VTI1A: variants seen among roughly 807,000 people sequenced by gnomAD.
VTI1A encodes vesicle transport through interaction with t-SNAREs 1A, also known as vesicle transport through interaction with t-SNAREs homolog 1A.
VTI1A carries 22 observed loss-of-function variants against 34.9 expected under a neutral mutation model. The ratio of observed to expected loss-of-function variants is 0.63; its 90% confidence interval spans 0.45 to 0.90. The LOEUF (loss-of-function observed/expected upper bound fraction) is 0.90, where lower values mean the gene tolerates loss of function less well. Ranked by LOEUF, VTI1A falls within the 40% of genes least tolerant of loss-of-function variation. The probability of loss-of-function intolerance (pLI) is 0.00; values close to 1 mark genes in which losing one functional copy is unlikely to be tolerated. For missense variants in VTI1A, 268 were observed against 275.6 expected (o/e 0.97, Z 0.20); for synonymous variants, 87 against 97.3 (o/e 0.89, Z 0.62).
At chr10:112,525,607 C>G (rs1347978529) in intron 3 of VTI1A, among the ~76,000 whole-genome samples, 7 of 152,122 alleles carry the variant, frequency 4.6e-5, no homozygotes, top group Admixed American at 4.6e-4. Flanking sequence ...GCCTTTTCAA[C>G]TGGGTTCTGC....
chr10:112,467,476 AT>A (rs1261699214), intron 3 of VTI1A, among the ~76,000 whole-genome samples: 1 of 152,192 alleles, frequency 6.6e-6, no homozygotes, highest in East Asian at 1.9e-4. Flanking sequence ...AAAAAAAAAA[AT>A]AGCAAAAAAC....
chr10:112,553,211 A>T (rs972792965), intron 5 of VTI1A, among the ~76,000 whole-genome samples: 9 of 152,216 alleles, frequency 5.9e-5, no homozygotes, highest in Non-Finnish European at 1.2e-4. Flanking sequence ...CCTCTCTTTC[A>T]CCTGCAGTGA....
the VTI1A span, among the ~76,000 whole-genome samples, chr10:112,839,264 AGC>A: frequency 6.6e-6 from 1 of 152,132 alleles, no homozygotes; most frequent in South Asian, 2.1e-4. Flanking sequence ...ACAACCCGCA[AGC>A]AATCGTGAGC....
rs151286955 is a variant in VTI1A, at chr10:112,580,327, T to C, written c.427+41997T>C. 2.5e-3 allele frequency among the ~76,000 whole-genome samples: 386 copies of C among 152,198 alleles called. 4 individuals are homozygous for C. The highest frequency in any genetic ancestry group is 2.2e-3 in the Non-Finnish European group (151 of 68,004). On this transcript the variant is annotated intron_variant, in intron 5 of 7. Transcript: ENST00000393077. Reference sequence around the variant, plus strand: ...TCTGGAGAATCACCATGATTCCAAATAGGAAGCCAAGTTACTCCCTGAAGG... The same window carrying C: ...TCTGGAGAATCACCATGATTCCAAACAGGAAGCCAAGTTACTCCCTGAAGG...
the VTI1A span, among the ~76,000 whole-genome samples, chr10:112,834,416 G>T: frequency 1.3e-5 from 2 of 152,272 alleles, no homozygotes; most frequent in South Asian, 4.2e-4. Context: ...CAAACAAGGA[G>T]GTCCCAATTC....
intron 7 of VTI1A, among the ~76,000 whole-genome samples, chr10:112,708,312 A>G (rs1231331410): frequency 6.6e-6 from 1 of 152,244 alleles, no homozygotes; most frequent in Non-Finnish European, 1.5e-5. Context: ...ACCAGGCACT[A>G]ATGTGCAGTA....
At chr10:112,763,228 C>G (rs1391638567) in intron 7 of VTI1A, among the ~76,000 whole-genome samples, 1 of 152,018 alleles carries the variant, frequency 6.6e-6, no homozygotes, top group Non-Finnish European at 1.5e-5. Context: ...ATCACAAGGT[C>G]AGGAGATCGA....
chr10:112,549,325 G>A (rs1233825387), intron 5 of VTI1A, among the ~76,000 whole-genome samples: 1 of 152,212 alleles, frequency 6.6e-6, no homozygotes, highest in African/African-American at 2.4e-5. Context: ...AGGTGCTGCA[G>A]AGGTGCAGAG....
intron 7 of VTI1A, among the ~76,000 whole-genome samples, chr10:112,785,167 C>G (rs1361727751): frequency 6.6e-6 from 1 of 152,184 alleles, no homozygotes; most frequent in Non-Finnish European, 1.5e-5. Context: ...GAGCAGGACC[C>G]CAGAATGGTG....
chr10:112,649,638 G>T (rs1387917566), intron 5 of VTI1A, among the ~76,000 whole-genome samples: 2 of 152,132 alleles, frequency 1.3e-5, no homozygotes, highest in African/African-American at 4.8e-5. Context: ...TAATGATGGG[G>T]ATGCATTCCG....
At chr10:112,736,715 G>A (rs1266789507) in intron 7 of VTI1A, 2 of 1,551,728 alleles carry the variant, frequency 1.3e-6, no homozygotes, top group Admixed American at 2.0e-5. Flanking sequence ...TCTCTTCACT[G>A]TTCACAGGGG....
intron 3 of VTI1A, among the ~76,000 whole-genome samples, chr10:112,490,944 C>T (rs575517063): frequency 1.3e-5 from 2 of 152,146 alleles, no homozygotes; most frequent in East Asian, 1.9e-4. Context: ...TGTTTCAACC[C>T]CCCTGCCCAC....
At chr10:112,803,220 C>T (rs911734334) in intron 7 of VTI1A, among the ~76,000 whole-genome samples, 1 of 152,176 alleles carries the variant, frequency 6.6e-6, no homozygotes, top group Non-Finnish European at 1.5e-5. Flanking sequence ...AGGTATGTGC[C>T]ACCATGCCCG....
intron 7 of VTI1A, among the ~76,000 whole-genome samples, chr10:112,791,449 A>G (rs546523569): frequency 1.3e-5 from 2 of 152,156 alleles, no homozygotes; most frequent in Admixed American, 6.6e-5. Context: ...TTTAAACCCC[A>G]CCACCCACTC....
chr10:112,668,814 T>A (rs2133836093), intron 6 of VTI1A, 123 bp from the exon 7 acceptor site: 2 of 1,013,848 alleles, frequency 2.0e-6, no homozygotes, highest in Non-Finnish European at 2.9e-6. Flanking sequence ...ATGTATTTAT[T>A]TTTGTGTATT....
intron 7 of VTI1A, among the ~76,000 whole-genome samples, chr10:112,730,573 A>ATT (rs140034551): frequency 6.7e-5 from 10 of 149,630 alleles, no homozygotes; most frequent in African/African-American, 2.2e-4. Flanking sequence ...TACTTTTAGG[A>ATT]TTTTTTTTTT....
At chr10:112,798,152 T>C (rs1221346209) in intron 7 of VTI1A, among the ~76,000 whole-genome samples, 1 of 152,162 alleles carries the variant, frequency 6.6e-6, no homozygotes, top group African/African-American at 2.4e-5. Context: ...TCAGTGCGGC[T>C]GTGAACCAAA....
intron 3 of VTI1A, among the ~76,000 whole-genome samples, chr10:112,465,285 A>G (rs1847859105): frequency 6.7e-6 from 1 of 150,040 alleles, no homozygotes. Flanking sequence ...GTAAAGACAT[A>G]ATGTTAAAGT....
At chr10:112,600,645 A>G (rs1844842941) in intron 5 of VTI1A, among the ~76,000 whole-genome samples, 1 of 152,116 alleles carries the variant, frequency 6.6e-6, no homozygotes, top group Non-Finnish European at 1.5e-5. Flanking sequence ...TATAGTCTAT[A>G]TTTATGGGTT....
Sources: gnomAD v4.1 joint callset for allele counts (sites outside exome capture counted in the v4.1 genomes callset) on GRCh38, gnomAD v4.1.1 for gene constraint, MANE v1.5 for transcripts, NCBI Gene and HGNC (gene_info 2026-07-23, HGNC 2026-07-21) for gene names.